STXBP5L: variants seen among roughly 807,000 people sequenced by gnomAD.
STXBP5L encodes syntaxin binding protein 5L.
In STXBP5L, 65 loss-of-function variants were observed where a neutral mutation model predicts 144.5. That is an observed-to-expected ratio of 0.45 (90% CI 0.37 to 0.55). STXBP5L has a LOEUF of 0.55. Ranked by LOEUF, STXBP5L falls within the 20% of genes least tolerant of loss-of-function variation. The pLI is 0.00. For missense variants in STXBP5L, 1,298 were observed against 1,405.5 expected (o/e 0.92, Z 1.22); for synonymous variants, 505 against 469.6 (o/e 1.08, Z -0.97).
chr3:121,046,585 T>C (rs1038128239), intron 5 of STXBP5L, among the ~76,000 whole-genome samples: 1 of 152,174 alleles, frequency 6.6e-6, no homozygotes, highest in African/African-American at 2.4e-5. Flanking sequence ...GGCTCAATCT[T>C]GGGAGTTTGT....
chr3:121,201,802 G>A (rs560848847), intron 9 of STXBP5L, among the ~76,000 whole-genome samples: 33 of 152,158 alleles, frequency 2.2e-4, no homozygotes, highest in East Asian at 9.7e-4. Flanking sequence ...TGAAATTCTC[G>A]TTTGAAAATT....
At chr3:120,990,650 G>C (rs1269149941) in intron 3 of STXBP5L, among the ~76,000 whole-genome samples, 6 of 152,128 alleles carry the variant, frequency 3.9e-5, no homozygotes, top group Middle Eastern at 3.2e-3. Flanking sequence ...CAATGGAACA[G>C]AACAGAGCCC....
chr3:120,911,885 C>T (rs1708858824), intron 2 of STXBP5L, among the ~76,000 whole-genome samples: 1 of 151,844 alleles, frequency 6.6e-6, no homozygotes, highest in African/African-American at 2.4e-5. Flanking sequence ...AAAATTAGAC[C>T]GTTACTGAAA....
chr3:121,308,830 A>G (rs1511433), intron 19 of STXBP5L, among the ~76,000 whole-genome samples: 5,331 of 152,228 alleles, frequency 0.035, 126 homozygotes, highest in Admixed American at 0.05. Flanking sequence ...TGTAAAATAT[A>G]TAGATTTAAT....
At chr3:120,917,359 A>T (rs901699610) in intron 2 of STXBP5L, among the ~76,000 whole-genome samples, 43 of 152,300 alleles carry the variant, frequency 2.8e-4, no homozygotes, top group African/African-American at 1.0e-3. Flanking sequence ...AGTAGGGGAG[A>T]TGTGTGAGGA....
At position 120,914,471 on chromosome 3, in the gene STXBP5L, T is replaced by C. The variant is rs572095149; in HGVS notation, c.189+4704T>C. ...ATAATATCAGATCGTACCAGGTAAA[T>C]AGGTATAGATCAGAAATACAGGCAT... On this transcript the variant is annotated intron_variant, in intron 2 of 26. Coordinates refer to ENST00000471454, the MANE Select transcript of STXBP5L (RefSeq NM_001308330.2). Among the ~76,000 whole-genome samples, 53 of 152,072 alleles carry C rather than the reference T, an allele frequency of 3.5e-4. 1 individual carries two copies. Among genetic ancestry groups the C allele is most frequent in the Admixed American group, 3.0e-3 (46 of 15,270 alleles).
At chr3:120,979,329 G>A (rs534097309) in intron 3 of STXBP5L, among the ~76,000 whole-genome samples, 13 of 152,172 alleles carry the variant, frequency 8.5e-5, no homozygotes, top group East Asian at 7.7e-4. Context: ...GCAATACTCC[G>A]TGGGCATAGG....
chr3:121,216,786 C>A (rs544862668), intron 10 of STXBP5L, among the ~76,000 whole-genome samples: 3 of 152,304 alleles, frequency 2.0e-5, no homozygotes, highest in South Asian at 4.1e-4. Flanking sequence ...GCGCCCACAG[C>A]CACCCCTCCG....
chr3:121,023,368 A>T (rs1221325005), intron 3 of STXBP5L, among the ~76,000 whole-genome samples: 2 of 152,186 alleles, frequency 1.3e-5, no homozygotes, highest in African/African-American at 4.8e-5. Context: ...TACCACCATC[A>T]TTCTTCACAG....
intron 21 of STXBP5L, among the ~76,000 whole-genome samples, chr3:121,380,842 GC>G (rs1463331482): frequency 6.6e-6 from 1 of 152,088 alleles, no homozygotes; most frequent in Non-Finnish European, 1.5e-5. Flanking sequence ...ATCCTGATAA[GC>G]CCTTTCATGC....
At chr3:120,969,624 A>G (rs1940010430) in intron 3 of STXBP5L, among the ~76,000 whole-genome samples, 1 of 151,926 alleles carries the variant, frequency 6.6e-6, no homozygotes, top group African/African-American at 2.4e-5. Context: ...GCCTAAGTCA[A>G]TGTCTTGAGG....
chr3:121,104,655 C>T (rs571005143), intron 5 of STXBP5L, among the ~76,000 whole-genome samples: 2 of 152,144 alleles, frequency 1.3e-5, no homozygotes, highest in African/African-American at 4.8e-5. Context: ...GAAAGAACAC[C>T]CAATTCAACA....
chr3:121,371,352 C>A (rs1353914402), intron 20 of STXBP5L, among the ~76,000 whole-genome samples: 1 of 152,200 alleles, frequency 6.6e-6, no homozygotes. Context: ...TGCCTTTGAT[C>A]TCCAGCTCCT....
chr3:121,194,600 T>A (rs971274599), intron 9 of STXBP5L, among the ~76,000 whole-genome samples: 1 of 152,202 alleles, frequency 6.6e-6, no homozygotes, highest in Admixed American at 6.5e-5. Flanking sequence ...TTGGGAAGTG[T>A]TTCCTCCTCT....
chr3:120,990,031 G>T (rs1220871992), intron 3 of STXBP5L, among the ~76,000 whole-genome samples: 1 of 152,100 alleles, frequency 6.6e-6, no homozygotes, highest in East Asian at 1.9e-4. Flanking sequence ...CCTGTTTGCA[G>T]ACGACATGAT....
intron 23 of STXBP5L, among the ~76,000 whole-genome samples, chr3:121,410,396 GA>G (rs1344854835): frequency 6.6e-6 from 1 of 151,916 alleles, no homozygotes; most frequent in Non-Finnish European, 1.5e-5. Flanking sequence ...ATTTTGATAT[GA>G]TTTTAATAAT....
At chr3:121,360,055 A>T (rs1441351325) in intron 20 of STXBP5L, among the ~76,000 whole-genome samples, 2 of 50,276 alleles carry the variant, frequency 4.0e-5, no homozygotes, top group African/African-American at 6.2e-5. Context: ...ATATAGTAAT[A>T]ATATATATAA....
chr3:121,087,419 A>G (rs1000208808), intron 5 of STXBP5L, among the ~76,000 whole-genome samples: 9 of 152,022 alleles, frequency 5.9e-5, no homozygotes, highest in Middle Eastern at 3.4e-3. Context: ...CCATTTTATT[A>G]TTATTTGGTG....
At chr3:120,940,633 G>A (rs1462683176) in intron 2 of STXBP5L, among the ~76,000 whole-genome samples, 1 of 125,168 alleles carries the variant, frequency 8.0e-6, no homozygotes, top group African/African-American at 3.0e-5. Context: ...GAGTCCTAGG[G>A]GTGGAAAAAA....
Sources: allele counts gnomAD v4.1 joint callset (sites outside exome capture counted in the v4.1 genomes callset), GRCh38; gene constraint gnomAD v4.1.1; transcripts MANE v1.5; gene names NCBI Gene and HGNC (gene_info 2026-07-23, HGNC 2026-07-21).